Variants in PARD3B observed in about 807,000 individuals in gnomAD.
PARD3B encodes partitioning defective 3 homolog B.
PARD3B carries 103 observed loss-of-function variants against 130.2 expected under a neutral mutation model. The ratio of observed to expected loss-of-function variants is 0.79; its 90% CI spans 0.67 to 0.93. The LOEUF is 0.93. PARD3B is among the 40% of genes least tolerant of loss of function. The probability of loss-of-function intolerance (pLI) is 0.00; values close to 1 mark genes in which losing one functional copy is unlikely to be tolerated. For missense variants in PARD3B, 1,609 were observed against 1,499.2 expected, an observed-to-expected ratio of 1.07 and a Z score of -1.21; for synonymous variants, 583 against 553.2, an observed-to-expected ratio of 1.05 and a Z score of -0.76.
In PARD3B at chr2:204,965,306, C is replaced by T. The variant is rs772515904; in HGVS notation, c.377C>T (p.Pro126Leu). 22 of 1,613,624 alleles carry T rather than the reference C, an allele frequency of 1.4e-5. No homozygotes were observed. Among genetic ancestry groups the T allele is most frequent in the Non-Finnish European group, 1.8e-5 (21 of 1,179,830 alleles). The stretch of plus-strand genomic sequence containing the variant: ...ATTGGTGGGGAGATTGAAGTAACCC[C>T]TTCTGCTCTAAAACTAGGTATGTGT... ...KPIGGEIEVT[P>L]SALKLGTPLL... The change falls in exon 3 of 23, where the codon CCT (proline) becomes CTT (leucine). Residue 126 changes from proline to leucine, a missense_variant. Transcript: ENST00000406610.
At chr2:205,168,320 A>AGAGAGAGAGAGAGAGT (rs371904121) in intron 11 of PARD3B, among the ~76,000 whole-genome samples, 10,138 of 118,568 alleles carry the variant, frequency 0.086, 513 homozygotes, top group Non-Finnish European at 0.11. Flanking sequence ...AGAGAGAGAG[A>AGAGAGAGAGAGAGAGT]GTGTGTGTGT....
chr2:205,192,976 C>T (rs564892569), intron 14 of PARD3B, among the ~76,000 whole-genome samples: 4 of 152,194 alleles, frequency 2.6e-5, no homozygotes, highest in South Asian at 2.1e-4. Flanking sequence ...GAGTAAAACA[C>T]GATATTGCCC....
At chr2:204,885,091 A>G (rs886134726) in intron 2 of PARD3B, among the ~76,000 whole-genome samples, 4 of 152,198 alleles carry the variant, frequency 2.6e-5, no homozygotes, top group Non-Finnish European at 5.9e-5. Context: ...TTACACTCCC[A>G]TCAATGGCGT....
At position 205,429,471 on chromosome 2, in the gene PARD3B, A is replaced by T. The variant is rs557215791; in HGVS notation, c.2742-10899A>T. On this transcript the variant is annotated intron_variant, in intron 19 of 22. Coordinates refer to ENST00000406610, the MANE Select transcript of PARD3B (RefSeq NM_001302769.2). ...CCATTGTGCAACCCCTAATGAAATA[A>T]TTAATTCAGTCAAACATCATCAGTG... 1.4e-4 allele frequency among the ~76,000 whole-genome samples: 21 copies of T among 152,298 alleles called. No individual in the cohort carries two copies. The South Asian group carries it at 3.1e-3, about 23-fold the overall frequency.
rs1488962191 is a variant in PARD3B at position 205,405,263 on chromosome 2, C to T, written c.2741+4140C>T. ...CTGGAGATATTTTTGATTGTCATAACTCGGGAAGAGGGGTGAGCAGTTACT... is the reference window on the plus strand; with the variant it reads ...CTGGAGATATTTTTGATTGTCATAATTCGGGAAGAGGGGTGAGCAGTTACT... On this transcript the variant is annotated intron_variant, in intron 19 of 22. Transcript: ENST00000406610. The surrounding 1 kb of genome is among the most constrained non-coding windows in gnomAD (Gnocchi z 4.1). Among the ~76,000 whole-genome samples, 1 of 152,110 alleles carries T rather than the reference C, an allele frequency of 6.6e-6. No individual in the cohort carries two copies. Among genetic ancestry groups the T allele is most frequent in the Non-Finnish European group, 1.5e-5 (1 of 68,020 alleles).
At chr2:204,856,117 T>C (rs1375374581) in intron 2 of PARD3B, among the ~76,000 whole-genome samples, 1 of 152,164 alleles carries the variant, frequency 6.6e-6, no homozygotes, top group South Asian at 2.1e-4. Context: ...TTTAGGAAAC[T>C]CCATACTGTT....
intron 2 of PARD3B, among the ~76,000 whole-genome samples, chr2:204,900,404 C>T (rs1459735043): frequency 3.3e-5 from 5 of 152,034 alleles, no homozygotes; most frequent in East Asian, 1.9e-4. Flanking sequence ...TAGGAGACAC[C>T]GACACAGTCT....
At chr2:205,493,885 G>A (rs2049826015) in intron 20 of PARD3B, among the ~76,000 whole-genome samples, 1 of 151,978 alleles carries the variant, frequency 6.6e-6, no homozygotes, top group Admixed American at 6.6e-5. Context: ...AGCCTCCCTA[G>A]TAGCTGGGAT....
intron 19 of PARD3B, among the ~76,000 whole-genome samples, chr2:205,432,738 A>G (rs550706397): frequency 3.3e-5 from 5 of 152,226 alleles, no homozygotes; most frequent in Middle Eastern, 3.4e-3. Context: ...TCAAGAGTTC[A>G]GTATCCATGT....
chr2:205,612,720 C>G (rs2055279239), intron 22 of PARD3B, among the ~76,000 whole-genome samples: 1 of 152,208 alleles, frequency 6.6e-6, no homozygotes, highest in Non-Finnish European at 1.5e-5. Flanking sequence ...ATTTCCATGA[C>G]TTCATTTCTT....
At chr2:205,009,900 T>C (rs1243470268) in intron 3 of PARD3B, among the ~76,000 whole-genome samples, 1 of 152,194 alleles carries the variant, frequency 6.6e-6, no homozygotes, top group Non-Finnish European at 1.5e-5. Flanking sequence ...AGATTAAATA[T>C]GTTTCAGTAT....
intron 1 of PARD3B, among the ~76,000 whole-genome samples, chr2:204,555,366 T>C (rs2030847447): frequency 6.6e-6 from 1 of 152,146 alleles, no homozygotes; most frequent in South Asian, 2.1e-4. Context: ...AAGACCAGCC[T>C]GGGCAACATG....
At chr2:204,609,831 A>G (rs1381350460) in intron 1 of PARD3B, among the ~76,000 whole-genome samples, 1 of 152,134 alleles carries the variant, frequency 6.6e-6, no homozygotes, top group Non-Finnish European at 1.5e-5. Context: ...CCTTTAAATA[A>G]GAGATTAAAT....
At chr2:205,199,517 G>T (rs551237707) in intron 15 of PARD3B, among the ~76,000 whole-genome samples, 1 of 151,532 alleles carries the variant, frequency 6.6e-6, no homozygotes, top group East Asian at 1.9e-4. Context: ...ACGCACACAC[G>T]TAGTAAAAAT....
intron 13 of PARD3B, among the ~76,000 whole-genome samples, chr2:205,177,854 A>G (rs775846366): frequency 1.3e-5 from 2 of 152,182 alleles, no homozygotes; most frequent in African/African-American, 2.4e-5. Context: ...AAGTCAGTAA[A>G]TAATTTACTC....
rs575846542 is a variant in PARD3B at position 204,718,488 on chromosome 2, C to T, written c.222+32206C>T. On this transcript the variant is annotated intron_variant, in intron 2 of 22. Coordinates refer to ENST00000406610, the MANE Select transcript of PARD3B (RefSeq NM_001302769.2). ...AAAACCATCAGATTTTGTGAGAACTCATTATCGTGAGAACAGCATAGGGGA... is the reference window on the plus strand; with the variant it reads ...AAAACCATCAGATTTTGTGAGAACTTATTATCGTGAGAACAGCATAGGGGA... 2.0e-5 allele frequency among the ~76,000 whole-genome samples: 3 copies of T among 152,148 alleles called. No homozygotes were observed. The South Asian group carries it at 6.2e-4, about 32-fold the overall frequency.
chr2:205,147,574 T>A (rs1277781634), intron 10 of PARD3B, among the ~76,000 whole-genome samples: 4 of 152,150 alleles, frequency 2.6e-5, no homozygotes, highest in Non-Finnish European at 5.9e-5. Flanking sequence ...CTTTTAGTAG[T>A]TTCCTCCCTC....
chr2:204,694,837 G>A (rs1381160924), intron 2 of PARD3B, among the ~76,000 whole-genome samples: 1 of 152,042 alleles, frequency 6.6e-6, no homozygotes, highest in East Asian at 1.9e-4. Context: ...GTGCACAGAT[G>A]TATGTATGTG....
rs189539425 is a variant in PARD3B, at chr2:205,231,586, C to G, written c.2141-14192C>G. ...TTCTGGACTCAAGTGATCCACCTACCTTGGCCTCCCAAAGTACTGGTATTA... is the reference window on the plus strand; with the variant it reads ...TTCTGGACTCAAGTGATCCACCTACGTTGGCCTCCCAAAGTACTGGTATTA... On this transcript the variant is annotated intron_variant, in intron 15 of 22. Coordinates refer to ENST00000406610, the MANE Select transcript of PARD3B (RefSeq NM_001302769.2). 4.0e-3 allele frequency among the ~76,000 whole-genome samples: 605 copies of G among 151,870 alleles called. 2 individuals carry two copies. The highest frequency in any genetic ancestry group is 0.013 in the African/African-American group (556 of 41,358).
Sources: allele counts gnomAD v4.1 joint callset (sites outside exome capture counted in the v4.1 genomes callset), GRCh38; gene constraint gnomAD v4.1.1; non-coding constraint Gnocchi (gnomAD v3.1); transcripts MANE v1.5; gene names NCBI Gene and HGNC (gene_info 2026-07-23, HGNC 2026-07-21).